NDUFAF2: variants seen among roughly 807,000 people sequenced by gnomAD.
NDUFAF2 encodes the protein NADH dehydrogenase [ubiquinone] 1 alpha subcomplex assembly factor 2.
Under a neutral mutation model 22.8 loss-of-function variants are expected in NDUFAF2, and 13 were observed. The ratio of observed to expected loss-of-function variants is 0.57; its 90% CI spans 0.37 to 0.91. NDUFAF2 has a LOEUF of 0.91. Among genes scored for constraint, NDUFAF2 ranks in the 40% least tolerant of loss-of-function variants. NDUFAF2 has a pLI of 0.01. For missense variants in NDUFAF2, 162 were observed against 195.2 expected (o/e 0.83, Z 1.01); for synonymous variants, 53 against 64.2 (o/e 0.83, Z 0.84).
chr5:61,110,102 T>C (rs992152549), intron 3 of NDUFAF2, among the ~76,000 whole-genome samples: 5 of 152,184 alleles, frequency 3.3e-5, no homozygotes, highest in African/African-American at 7.2e-5. Context: ...TCTGTTGATA[T>C]GATTTGCATA....
intron 1 of NDUFAF2, among the ~76,000 whole-genome samples, chr5:61,033,098 C>A (rs1286483175): frequency 6.6e-6 from 1 of 152,060 alleles, no homozygotes; most frequent in East Asian, 1.9e-4. Flanking sequence ...GTTTGTAGTT[C>A]TCCTTGAAGA....
intron 1 of NDUFAF2, among the ~76,000 whole-genome samples, chr5:60,976,005 C>T (rs1390273466): frequency 6.6e-6 from 1 of 152,206 alleles, no homozygotes; most frequent in Non-Finnish European, 1.5e-5. Context: ...GGCATATGAG[C>T]AGGATGAAGA....
intron 1 of NDUFAF2, among the ~76,000 whole-genome samples, chr5:60,969,019 C>A (rs1352554411): frequency 1.3e-5 from 2 of 152,046 alleles, no homozygotes; most frequent in Non-Finnish European, 2.9e-5. Flanking sequence ...TGGGCCCATT[C>A]ATATTGTTGC....
At chr5:61,003,345 T>C (rs984621129) in intron 1 of NDUFAF2, among the ~76,000 whole-genome samples, 11 of 152,258 alleles carry the variant, frequency 7.2e-5, no homozygotes, top group Admixed American at 2.6e-4. Flanking sequence ...CAAGTTTTGT[T>C]GCTGAAATGG....
chr5:60,985,545 T>A (rs548778345), intron 1 of NDUFAF2, among the ~76,000 whole-genome samples: 33 of 152,220 alleles, frequency 2.2e-4, no homozygotes, highest in Non-Finnish European at 4.6e-4. Context: ...GCTATAAATT[T>A]CCGTCTACAC....
chr5:61,000,666 A>G (rs1019135052), intron 1 of NDUFAF2, among the ~76,000 whole-genome samples: 1 of 151,854 alleles, frequency 6.6e-6, no homozygotes, highest in Admixed American at 6.6e-5. Flanking sequence ...GAAGACCTGG[A>G]ACTCCTACCT....
intron 1 of NDUFAF2, among the ~76,000 whole-genome samples, chr5:61,000,489 C>T (rs967636686): frequency 6.6e-6 from 1 of 152,060 alleles, no homozygotes; most frequent in Admixed American, 6.6e-5. Context: ...AAGTAAATGA[C>T]ATGTTAATAT....
intron 1 of NDUFAF2, among the ~76,000 whole-genome samples, chr5:60,964,551 A>G (rs1750730269): frequency 6.6e-6 from 1 of 151,814 alleles, no homozygotes; most frequent in South Asian, 2.1e-4. Flanking sequence ...CCCAGGTTCA[A>G]GCGATTCTCC....
chr5:60,997,776 T>C (rs2112589045), intron 1 of NDUFAF2, among the ~76,000 whole-genome samples: 1 of 152,352 alleles, frequency 6.6e-6, no homozygotes. Context: ...TCCATTGTGC[T>C]TGGATTCCCT....
intron 3 of NDUFAF2, among the ~76,000 whole-genome samples, chr5:61,140,859 C>A (rs915044843): frequency 4.6e-5 from 7 of 152,174 alleles, no homozygotes; most frequent in African/African-American, 1.4e-4. Context: ...CTTCTTAGTT[C>A]TCTGGTTGAT....
chr5:61,150,134 G>A (rs1202683978), intron 3 of NDUFAF2, among the ~76,000 whole-genome samples: 1 of 152,124 alleles, frequency 6.6e-6, no homozygotes, highest in African/African-American at 2.4e-5. Context: ...GTTTTCCCAT[G>A]TTGGCCAGGC....
At chr5:60,973,627 A>C (rs757415535) in intron 1 of NDUFAF2, among the ~76,000 whole-genome samples, 2 of 152,152 alleles carry the variant, frequency 1.3e-5, no homozygotes, top group Admixed American at 6.5e-5. Flanking sequence ...GTTATGCAGT[A>C]GTTTTGTTTG....
At chr5:61,109,262 G>A (rs28816681) in intron 3 of NDUFAF2, among the ~76,000 whole-genome samples, 7,026 of 152,148 alleles carry the variant, frequency 0.046, 545 homozygotes, top group African/African-American at 0.16. Context: ...GTTTGCTGGT[G>A]GCATATAGAA....
At chr5:61,041,983 G>A (rs1030289186) in intron 1 of NDUFAF2, among the ~76,000 whole-genome samples, 3 of 152,052 alleles carry the variant, frequency 2.0e-5, no homozygotes, top group South Asian at 4.2e-4. Flanking sequence ...GAATCATATG[G>A]GTAACATTTT....
At chr5:61,136,039 A>ATATATATATATATATATCTATC in intron 3 of NDUFAF2, among the ~76,000 whole-genome samples, 1 of 103,426 alleles carries the variant, frequency 9.7e-6, no homozygotes, top group African/African-American at 3.7e-5. Flanking sequence ...ATATATATAT[A>ATATATATATATATATATCTATC]TATCTAGGGT....
At chr5:61,073,020 T>G in intron 1 of NDUFAF2, 105 bp from the exon 2 acceptor site, 1 of 742,358 alleles carries the variant, frequency 1.3e-6, no homozygotes, top group Non-Finnish European at 2.3e-6. Context: ...CCTGTTAATT[T>G]AATTCTTTTA....
intron 3 of NDUFAF2, among the ~76,000 whole-genome samples, chr5:61,111,831 G>A (rs930540372): frequency 6.6e-6 from 1 of 152,076 alleles, no homozygotes; most frequent in Non-Finnish European, 1.5e-5. Flanking sequence ...TGTTAGCCAA[G>A]ATGGTCTCAA....
At chr5:61,055,176 C>T (rs1440056338) in intron 1 of NDUFAF2, among the ~76,000 whole-genome samples, 1 of 152,070 alleles carries the variant, frequency 6.6e-6, no homozygotes, top group Non-Finnish European at 1.5e-5. Context: ...AGACTTTATA[C>T]TTTTATATGT....
At chr5:61,143,216 T>G (rs1741083558) in intron 3 of NDUFAF2, among the ~76,000 whole-genome samples, 1 of 152,102 alleles carries the variant, frequency 6.6e-6, no homozygotes, top group Non-Finnish European at 1.5e-5. Context: ...ATGTTACTGG[T>G]ATGGGGTCCC....
Sources: gnomAD v4.1 joint callset for allele counts (sites outside exome capture counted in the v4.1 genomes callset) on GRCh38, gnomAD v4.1.1 for gene constraint, MANE v1.5 for transcripts, NCBI Gene and HGNC (gene_info 2026-07-23, HGNC 2026-07-21) for gene names.